CNTLN: variants seen among roughly 807,000 people sequenced by gnomAD.
CNTLN encodes the protein centlein, centrosomal protein.
A neutral mutation model predicts 180.0 loss-of-function variants in CNTLN; 212 were observed. That is an observed-to-expected ratio of 1.18 (90% CI 1.05 to 1.32). CNTLN has a LOEUF of 1.32. CNTLN is among the 40% of genes most tolerant of loss of function. The pLI is 0.00. For missense variants in CNTLN, 2,095 were observed against 1,610.9 expected, an observed-to-expected ratio of 1.30 and a Z score of -5.14; for synonymous variants, 722 against 563.1, an observed-to-expected ratio of 1.28 and a Z score of -3.99.
intron 6 of CNTLN, among the ~76,000 whole-genome samples, chr9:17,292,963 G>T (rs748288015): frequency 6.6e-6 from 1 of 152,128 alleles, no homozygotes; most frequent in African/African-American, 2.4e-5. Context: ...GGACCTTTTT[G>T]TTGATGCTGT....
chr9:17,223,720 AC>A (rs1206137185), intron 2 of CNTLN, among the ~76,000 whole-genome samples: 1 of 151,762 alleles, frequency 6.6e-6, no homozygotes, highest in Non-Finnish European at 1.5e-5. Context: ...TCTGTCCTCA[AC>A]CCACCAGCCA....
chr9:17,262,866 A>G (rs1827107364), intron 5 of CNTLN, among the ~76,000 whole-genome samples: 1 of 151,200 alleles, frequency 6.6e-6, no homozygotes, highest in African/African-American at 2.5e-5. Context: ...GGCTCGTAGT[A>G]TTTTGGGGTG....
At chr9:17,381,559 C>T (rs549933834) in intron 13 of CNTLN, among the ~76,000 whole-genome samples, 2 of 152,320 alleles carry the variant, frequency 1.3e-5, no homozygotes, top group African/African-American at 4.8e-5. Context: ...TATTTTGCCA[C>T]CCACCACCCA....
intron 18 of CNTLN, among the ~76,000 whole-genome samples, chr9:17,455,525 A>G (rs79905790): frequency 0.035 from 5,397 of 152,270 alleles, 135 homozygotes; most frequent in South Asian, 0.13. Flanking sequence ...CCAGGTAGAA[A>G]GATTAGACAG....
Position 17,484,314 on chromosome 9 carries a change from A to C in CNTLN, c.3875A>C (p.Gln1292Pro). The C allele has an allele frequency of 6.3e-7, 1 of 1,599,868 alleles. No individual in the cohort carries two copies. Among genetic ancestry groups the C allele is most frequent in the Non-Finnish European group, 8.5e-7 (1 of 1,176,364 alleles). Residue 1292 changes from glutamine to proline, a missense_variant, in exon 24 of 26, where the codon CAA becomes CCA. By Grantham distance (76) the Gln-to-Pro change is moderately conservative. Coordinates refer to ENST00000380647, the MANE Select transcript of CNTLN (RefSeq NM_017738.4). ...TTACAGGCTTTGGCCAAAGAGTTGC[A>C]AAATGATGTCCATGTGGTAAGGCGA... ...TFVKALAKEL[Q>P]NDVHVVRRQI...
chr9:17,426,834 G>A (rs576063971), intron 18 of CNTLN, among the ~76,000 whole-genome samples: 2 of 151,968 alleles, frequency 1.3e-5, no homozygotes, highest in Admixed American at 6.6e-5. Flanking sequence ...CTTGAACCCT[G>A]TCTTTGGGGA....
intron 18 of CNTLN, among the ~76,000 whole-genome samples, chr9:17,426,625 TG>T (rs1829101005): frequency 6.6e-6 from 1 of 152,060 alleles, no homozygotes; most frequent in African/African-American, 2.4e-5. Flanking sequence ...GTTCTCTTCT[TG>T]GACTTTAATT....
chr9:17,483,182 C>T lies in CNTLN; in HGVS notation c.3856-1113C>T, dbSNP rs1395189354. 2.0e-5 allele frequency among the ~76,000 whole-genome samples: 3 copies of T among 151,714 alleles called. No individual in the cohort carries two copies. In the East Asian group the frequency reaches 5.8e-4, roughly 29 times the overall value. On this transcript the variant is annotated intron_variant, in intron 23 of 25. Coordinates refer to ENST00000380647, the MANE Select transcript of CNTLN (RefSeq NM_017738.4). ...ACTCCTATAAATCCCTAAGAAAAAA[C>T]AAAAAATGACAAAGAAAATATAATT... is the stretch of plus-strand genomic sequence containing the variant.
chr9:17,268,864 T>G (rs900577096), intron 5 of CNTLN, among the ~76,000 whole-genome samples: 1 of 151,628 alleles, frequency 6.6e-6, no homozygotes, highest in Non-Finnish European at 1.5e-5. Flanking sequence ...TAATCTGGTG[T>G]GCCGTTTTTT....
At chr9:17,345,452 T>G (rs531004898) in intron 12 of CNTLN, among the ~76,000 whole-genome samples, 1 of 152,208 alleles carries the variant, frequency 6.6e-6, no homozygotes, top group Admixed American at 6.5e-5. Flanking sequence ...CCCATTTAAT[T>G]CCTTCATATG....
intron 2 of CNTLN, among the ~76,000 whole-genome samples, chr9:17,190,638 A>G (rs1821735270): frequency 6.6e-6 from 1 of 152,152 alleles, no homozygotes; most frequent in Non-Finnish European, 1.5e-5. Context: ...AGTGGTCAAA[A>G]ATTTATGCAA....
chr9:17,504,327 C>A (rs191755492), downstream of CNTLN, among the ~76,000 whole-genome samples: 1 of 152,060 alleles, frequency 6.6e-6, no homozygotes, highest in East Asian at 1.9e-4. Context: ...CAGGAAAGCA[C>A]GAGTAATAAA....
intron 10 of CNTLN, among the ~76,000 whole-genome samples, chr9:17,335,955 T>C (rs909926354): frequency 6.6e-6 from 1 of 150,978 alleles, no homozygotes; most frequent in Non-Finnish European, 1.5e-5. Context: ...AAGTTAGAGC[T>C]TCTAGTTTAG....
At chr9:17,514,171 G>A in the CNTLN span, among the ~76,000 whole-genome samples, 4 of 151,670 alleles carry the variant, frequency 2.6e-5, no homozygotes, top group South Asian at 2.1e-4. Flanking sequence ...AAAACTGGGC[G>A]TAATGACACA....
At chr9:17,275,970 G>C (rs940874786) in intron 6 of CNTLN, among the ~76,000 whole-genome samples, 3 of 152,082 alleles carry the variant, frequency 2.0e-5, no homozygotes, top group South Asian at 2.1e-4. Flanking sequence ...AGTAGACACT[G>C]TGGACTACTA....
rs753803120 is a variant in CNTLN, at chr9:17,135,249, G to C, written c.184G>C (p.Gly62Arg). 1 of 1,606,082 alleles carries C rather than the reference G, an allele frequency of 6.2e-7. No homozygotes were observed. The highest frequency in any genetic ancestry group is 8.5e-7 in the Non-Finnish European group (1 of 1,176,638). Residue 62 changes from glycine to arginine, a missense_variant, in exon 1 of 26, where the codon GGG becomes CGG. Transcript: ENST00000380647. ...ESDKIWVGEE[G>R]SGGRRGPGGA... ...TGATAAAATCTGGGTGGGTGAAGAA[G>C]GGTCAGGGGGCCGGCGAGGGCCTGG...
intron 6 of CNTLN, among the ~76,000 whole-genome samples, chr9:17,293,223 C>T (rs761332103): frequency 6.6e-6 from 1 of 152,228 alleles, no homozygotes; most frequent in Non-Finnish European, 1.5e-5. Flanking sequence ...ATCTGGCAAC[C>T]CCTGTTGGGG....
At chr9:17,212,905 C>T (rs1823436610) in intron 2 of CNTLN, among the ~76,000 whole-genome samples, 2 of 152,122 alleles carry the variant, frequency 1.3e-5, no homozygotes, top group South Asian at 4.1e-4. Context: ...GTGATATCCC[C>T]TTTATCATTT....
chr9:17,365,719 G>A (rs1246772794), intron 12 of CNTLN, among the ~76,000 whole-genome samples: 1 of 152,128 alleles, frequency 6.6e-6, no homozygotes, highest in African/African-American at 2.4e-5. Context: ...CAGCATTTTG[G>A]GAGGCCAAGA....
Sources: allele counts gnomAD v4.1 joint callset (sites outside exome capture counted in the v4.1 genomes callset), GRCh38; gene constraint gnomAD v4.1.1; transcripts MANE v1.5; gene names NCBI Gene and HGNC (gene_info 2026-07-23, HGNC 2026-07-21).